Variants in RSU1 observed in about 807,000 individuals in gnomAD.
RSU1 encodes the protein rsu-1.
RSU1 carries 26 observed loss-of-function variants against 31.1 expected under a neutral mutation model. That is an observed-to-expected ratio of 0.84 (90% CI 0.61 to 1.16). The LOEUF (loss-of-function observed/expected upper bound fraction) is 1.16. Among genes scored for constraint, RSU1 ranks in the 50% most tolerant of loss-of-function variants. RSU1 has a pLI of 0.00. For missense variants in RSU1, 320 were observed against 339.1 expected (o/e 0.94, Z 0.44); for synonymous variants, 164 against 136.3 (o/e 1.20, Z -1.41).
At chr10:16,725,466 A>T (rs770922068) in intron 7 of RSU1, among the ~76,000 whole-genome samples, 3 of 152,182 alleles carry the variant, frequency 2.0e-5, no homozygotes, top group African/African-American at 4.8e-5. Flanking sequence ...CTACAATTCA[A>T]GTTCAAACTT....
chr10:16,594,358 A>G (rs1464604471), intron 8 of RSU1, among the ~76,000 whole-genome samples: 2 of 151,122 alleles, frequency 1.3e-5, no homozygotes, highest in Non-Finnish European at 2.9e-5. Flanking sequence ...AGGAATATGC[A>G]CACTCTCTGG....
chr10:16,760,453 G>A (rs1837185625), intron 4 of RSU1, among the ~76,000 whole-genome samples: 1 of 149,942 alleles, frequency 6.7e-6, no homozygotes, highest in African/African-American at 2.5e-5. Context: ...AGGTTGCAGT[G>A]AGCCGAGATC....
intron 7 of RSU1, among the ~76,000 whole-genome samples, chr10:16,739,670 G>A (rs12146175): frequency 6.6e-6 from 1 of 151,864 alleles, no homozygotes; most frequent in Non-Finnish European, 1.5e-5. Flanking sequence ...CCAGGCCGGA[G>A]TGCAATGGTG....
intron 7 of RSU1, among the ~76,000 whole-genome samples, chr10:16,738,873 C>CT (rs1328528871): frequency 1.3e-5 from 2 of 151,732 alleles, no homozygotes; most frequent in Admixed American, 6.6e-5. Flanking sequence ...CCCCACCCCC[C>CT]CAGCGGACCC....
chr10:16,637,990 T>C (rs554660051), intron 8 of RSU1, among the ~76,000 whole-genome samples: 1 of 152,204 alleles, frequency 6.6e-6, no homozygotes, highest in Non-Finnish European at 1.5e-5. Flanking sequence ...AATCATCATC[T>C]GTTGCATTTT....
chr10:16,646,909 G>A (rs1834582955), intron 8 of RSU1, among the ~76,000 whole-genome samples: 1 of 152,122 alleles, frequency 6.6e-6, no homozygotes. Flanking sequence ...CATACCAGTG[G>A]GTGTGAAATG....
intron 8 of RSU1, among the ~76,000 whole-genome samples, chr10:16,617,345 G>A (rs1341603990): frequency 1.3e-5 from 2 of 152,014 alleles, no homozygotes; most frequent in Non-Finnish European, 2.9e-5. Flanking sequence ...AGGACACAAA[G>A]AAATGGAAGA....
At chr10:16,682,892 TGAAG>T (rs772751878) in intron 8 of RSU1, among the ~76,000 whole-genome samples, 11 of 152,050 alleles carry the variant, frequency 7.2e-5, no homozygotes, top group Non-Finnish European at 1.5e-4. Context: ...TCCTTATGAG[TGAAG>T]GACACAATAG....
intron 8 of RSU1, among the ~76,000 whole-genome samples, chr10:16,638,727 C>T (rs746239531): frequency 5.9e-5 from 9 of 152,212 alleles, no homozygotes; most frequent in South Asian, 2.1e-4. Flanking sequence ...CATATAACAG[C>T]TTCTGAAATG....
intron 3 of RSU1, 112 bp from the exon 4 acceptor site, chr10:16,764,622 G>T: frequency 1.7e-6 from 2 of 1,162,518 alleles, no homozygotes; most frequent in East Asian, 2.5e-5. Flanking sequence ...ACTTCAAAAG[G>T]GCCATCGAAT....
intron 7 of RSU1, among the ~76,000 whole-genome samples, chr10:16,709,089 C>G (rs1835965129): frequency 6.6e-6 from 1 of 151,656 alleles, no homozygotes; most frequent in African/African-American, 2.4e-5. Context: ...TGGTGTGTTA[C>G]ACCCATTAAC....
chr10:16,791,500 A>G (rs1255036860), intron 2 of RSU1, among the ~76,000 whole-genome samples: 1 of 151,892 alleles, frequency 6.6e-6, no homozygotes, highest in Non-Finnish European at 1.5e-5. Flanking sequence ...ATGGTGGTGC[A>G]TACCTGTAGT....
intron 2 of RSU1, among the ~76,000 whole-genome samples, chr10:16,790,161 A>G (rs1837882011): frequency 1.3e-5 from 2 of 152,230 alleles, no homozygotes; most frequent in African/African-American, 4.8e-5. Flanking sequence ...AGTTGGTTCA[A>G]TAATTTCAAA....
At chr10:16,795,081 T>C (rs1213256315) in intron 2 of RSU1, among the ~76,000 whole-genome samples, 1 of 152,134 alleles carries the variant, frequency 6.6e-6, no homozygotes, top group African/African-American at 2.4e-5. Flanking sequence ...AGTCCCGGCG[T>C]GGTGGCTCAT....
At chr10:16,613,208 C>G (rs1833922481) in intron 8 of RSU1, among the ~76,000 whole-genome samples, 2 of 152,164 alleles carry the variant, frequency 1.3e-5, no homozygotes, top group Non-Finnish European at 2.9e-5. Context: ...TGGAACTCTT[C>G]CATTTTTTAA....
chr10:16,723,104 G>A (rs1836316028), intron 7 of RSU1: 2 of 151,322 alleles, frequency 1.3e-5, no homozygotes, highest in South Asian at 4.2e-4. Flanking sequence ...CATACGATTT[G>A]CTGTATTAGT....
chr10:16,695,170 A>ACGGG lies in RSU1; in HGVS notation c.599-16_599-15insCCCG, dbSNP rs770924888. On this transcript the variant is annotated splice_polypyrimidine_tract_variant and intron_variant, in intron 7 of 8. Coordinates refer to ENST00000345264, the MANE Select transcript of RSU1 (RefSeq NM_012425.4). ...ATCCAAGTTTCCTGGGGGGGGGGAAAAAAAAAGTGAAGGTCACTTCATCCA... is the reference window on the plus strand; with the variant it reads ...ATCCAAGTTTCCTGGGGGGGGGGAAACGGGAAAAAAGTGAAGGTCACTTCATCCA... The ACGGG allele has an allele frequency of 7.4e-7, 1 of 1,354,624 alleles. No individual in the cohort carries two copies. The highest frequency in any genetic ancestry group is 1.0e-6 in the Non-Finnish European group (1 of 982,080). 83.9% of individuals were successfully genotyped at this position (1,354,624 alleles called of 1,614,324 possible). A position where few individuals can be genotyped will look rare whatever the true frequency, so the allele number is the denominator to read the frequency against.
In RSU1 at chr10:16,695,169, A is replaced by AGGT. The variant is rs752388577; in HGVS notation, c.599-15_599-14insACC. ...AATCCAAGTTTCCTGGGGGGGGGGA[A>AGGT]AAAAAAAGTGAAGGTCACTTCATCC... On this transcript the variant is annotated splice_polypyrimidine_tract_variant and intron_variant, in intron 7 of 8. Transcript: ENST00000345264. The AGGT allele has an allele frequency of 8.5e-7, 1 of 1,183,166 alleles. No homozygotes were observed. The allele number at this position is 1,183,166 out of a possible 1,614,324, so 73.3% of individuals were successfully genotyped here. A position where few individuals can be genotyped will look rare whatever the true frequency, so the allele number is the denominator to read the frequency against.
rs1415708740 is a variant in RSU1 at position 16,680,179 on chromosome 10, G to A, written c.731+14844C>T. Among the ~76,000 whole-genome samples the A allele has an allele frequency of 2.0e-5, 3 of 151,986 alleles. No individual in the cohort carries two copies. In the East Asian group the frequency reaches 5.8e-4, roughly 29 times the overall value. On this transcript the variant is annotated intron_variant, in intron 8 of 8. Transcript: ENST00000345264. ...TTACAGGTGTGAGACATCGCACAAA[G>A]CCAAAAACCGGATTTTTAAGAAATC...
Sources: gnomAD v4.1 joint callset for allele counts (sites outside exome capture counted in the v4.1 genomes callset) on GRCh38, gnomAD v4.1.1 for gene constraint, MANE v1.5 for transcripts, NCBI Gene and HGNC (gene_info 2026-07-23, HGNC 2026-07-21) for gene names.